The following HSF2BP variants were observed in gnomAD, a reference collection of about 807,000 sequenced individuals.
The protein encoded by HSF2BP is heat shock factor 2-binding protein.
HSF2BP carries 35 observed loss-of-function variants against 35.0 expected under a neutral mutation model. The observed-to-expected ratio is 1.00, with a 90% CI of 0.76 to 1.32. The LOEUF (loss-of-function observed/expected upper bound fraction) is 1.32, where lower values mean the gene tolerates loss of function less well. Ranked by LOEUF, HSF2BP falls within the 40% of genes most tolerant of loss-of-function variation. The pLI is 0.00. For missense variants in HSF2BP, 326 were observed against 321.7 expected (o/e 1.01, Z -0.10); for synonymous variants, 114 against 117.4 (o/e 0.97, Z 0.18).
At chr21:43,607,725 A>G (rs888541217) in intron 7 of HSF2BP, among the ~76,000 whole-genome samples, 4 of 152,256 alleles carry the variant, frequency 2.6e-5, no homozygotes, top group African/African-American at 7.2e-5. Context: ...CTAAAACAGC[A>G]TAACACTGGT....
chr21:43,578,880 G>C (rs150333883), intron 8 of HSF2BP, among the ~76,000 whole-genome samples: 17 of 152,338 alleles, frequency 1.1e-4, no homozygotes, highest in African/African-American at 3.8e-4. Flanking sequence ...GCTTAGGAGG[G>C]GCATGAGCCA....
intron 7 of HSF2BP, among the ~76,000 whole-genome samples, chr21:43,595,777 T>A (rs1212564550): frequency 8.0e-6 from 1 of 125,638 alleles, no homozygotes; most frequent in African/African-American, 3.1e-5. Context: ...AGAGTTAGAG[T>A]GCAGTGGCGC....
intron 6 of HSF2BP, among the ~76,000 whole-genome samples, chr21:43,616,775 C>CA (rs1601675182): frequency 1.3e-5 from 2 of 152,018 alleles, no homozygotes; most frequent in Admixed American, 6.5e-5. Context: ...ACTAAAAATA[C>CA]AAAAAATTAG....
chr21:43,571,790 T>C (rs1295987041), intron 8 of HSF2BP, among the ~76,000 whole-genome samples: 3 of 124,646 alleles, frequency 2.4e-5, no homozygotes, highest in Non-Finnish European at 5.0e-5. Context: ...AGGGACACGG[T>C]GATGAGGATG....
chr21:43,578,941 G>A (rs1373730163), intron 8 of HSF2BP, among the ~76,000 whole-genome samples: 4 of 152,256 alleles, frequency 2.6e-5, no homozygotes, highest in African/African-American at 9.6e-5. Flanking sequence ...CCGCCTCTGG[G>A]ATGTCAGGAC....
At chr21:43,613,481 T>C (rs1390854149) in intron 7 of HSF2BP, among the ~76,000 whole-genome samples, 1 of 152,248 alleles carries the variant, frequency 6.6e-6, no homozygotes, top group East Asian at 1.9e-4. Context: ...GGTGTTGTTT[T>C]AGCCACCAAG....
chr21:43,625,894 C>T (rs1390624258), intron 6 of HSF2BP, among the ~76,000 whole-genome samples: 2 of 152,220 alleles, frequency 1.3e-5, no homozygotes, highest in Admixed American at 1.3e-4. Flanking sequence ...CCCACTGCCT[C>T]ACCAGCATGT....
intron 5 of HSF2BP, among the ~76,000 whole-genome samples, chr21:43,631,938 T>TACACAGGCTCACAGGCAC (rs2082463953): frequency 2.3e-5 from 2 of 87,174 alleles, no homozygotes; most frequent in Admixed American, 2.3e-4. Context: ...CGATCCCACA[T>TACACAGGCTCACAGGCAC]ACACAGGCTC....
chr21:43,618,222 T>C (rs1413773556), intron 6 of HSF2BP, among the ~76,000 whole-genome samples: 1 of 152,066 alleles, frequency 6.6e-6, no homozygotes, highest in Admixed American at 6.6e-5. Flanking sequence ...ATCAGGCCAC[T>C]GTACTCCAGC....
At chr21:43,624,749 A>C (rs2082369609) in intron 6 of HSF2BP, among the ~76,000 whole-genome samples, 1 of 152,196 alleles carries the variant, frequency 6.6e-6, no homozygotes, top group Non-Finnish European at 1.5e-5. Context: ...ATGATTTTCA[A>C]ATCACTGAAA....
chr21:43,583,783 C>A (rs1308311955), intron 8 of HSF2BP, among the ~76,000 whole-genome samples: 1 of 122,722 alleles, frequency 8.1e-6, no homozygotes. Flanking sequence ...GAAGGGCCTG[C>A]TGAGGGAGAT....
At chr21:43,588,735 C>T (rs1291752493) in intron 8 of HSF2BP, among the ~76,000 whole-genome samples, 4 of 152,182 alleles carry the variant, frequency 2.6e-5, no homozygotes, top group Non-Finnish European at 5.9e-5. Context: ...CTCCCACAGA[C>T]TGACACTGTC....
At chr21:43,620,852 A>G (rs530454747) in intron 6 of HSF2BP, among the ~76,000 whole-genome samples, 55 of 152,290 alleles carry the variant, frequency 3.6e-4, no homozygotes, top group African/African-American at 1.3e-3. Flanking sequence ...AGAATCACTG[A>G]GCTCAGAGAC....
At chr21:43,634,219 G>A (rs924583769) in intron 4 of HSF2BP, among the ~76,000 whole-genome samples, 12 of 152,100 alleles carry the variant, frequency 7.9e-5, no homozygotes, top group Admixed American at 7.9e-4. Context: ...TCTCCACCAT[G>A]GCACTCTTCA....
intron 7 of HSF2BP, among the ~76,000 whole-genome samples, chr21:43,605,020 CATCA>C (rs1482276453): frequency 6.7e-6 from 1 of 149,276 alleles, no homozygotes; most frequent in African/African-American, 2.5e-5. Flanking sequence ...ACCACACACA[CATCA>C]CACACACCAC....
intron 7 of HSF2BP, among the ~76,000 whole-genome samples, chr21:43,612,161 T>C (rs949787786): frequency 6.6e-5 from 10 of 152,124 alleles, no homozygotes; most frequent in African/African-American, 1.2e-4. Flanking sequence ...TGTGAAAATA[T>C]AAACACCAGC....
In HSF2BP at chr21:43,656,674, C is replaced by T. The variant is rs1466071177; in HGVS notation, c.100G>A (p.Glu34Lys). The T allele has an allele frequency of 1.2e-6, 2 of 1,613,868 alleles. No homozygotes were observed. The highest frequency in any genetic ancestry group is 2.7e-5 in the African/African-American group (2 of 74,930). ...RKKDLERLTT[E>K]VMQIRDFLPR... ...AAGAAGTCCCGTATTTGCATCACTT[C>T]AGTTGTCAGCCGTTCCAGATCCTTC... Residue 34 changes from glutamate to lysine, a missense_variant, in exon 3 of 9, where the codon GAA becomes AAA. Coordinates refer to ENST00000291560, the MANE Select transcript of HSF2BP (RefSeq NM_007031.2).
At chr21:43,621,117 T>C (rs1200081415) in intron 6 of HSF2BP, among the ~76,000 whole-genome samples, 1 of 152,214 alleles carries the variant, frequency 6.6e-6, no homozygotes, top group Non-Finnish European at 1.5e-5. Context: ...CCAAGGTATA[T>C]ACTAATCAAA....
chr21:43,646,530 A>T (rs948842054), intron 3 of HSF2BP, among the ~76,000 whole-genome samples: 5 of 152,210 alleles, frequency 3.3e-5, no homozygotes, highest in African/African-American at 1.2e-4. Flanking sequence ...ATTAAACGGT[A>T]TATTACTCAA....
Sources: allele counts gnomAD v4.1 joint callset (sites outside exome capture counted in the v4.1 genomes callset), GRCh38; gene constraint gnomAD v4.1.1; transcripts MANE v1.5; gene names NCBI Gene and HGNC (gene_info 2026-07-23, HGNC 2026-07-21).